The following BIRC6 variants were observed in gnomAD, a reference collection of about 807,000 sequenced individuals.
BIRC6 encodes the protein dual E2 ubiquitin-conjugating enzyme/E3 ubiquitin-protein ligase BIRC6.
A neutral mutation model predicts 503.3 loss-of-function variants in BIRC6; 98 were observed. That is an observed-to-expected ratio of 0.19 (90% CI 0.17 to 0.23). The LOEUF (loss-of-function observed/expected upper bound fraction) is 0.23. Among genes scored for constraint, BIRC6 ranks in the 10% least tolerant of loss-of-function variants. BIRC6 has a pLI of 1.00. For synonymous variants in BIRC6, 2,240 were observed against 2,078.7 expected (o/e 1.08, Z -2.11); for missense variants, 5,360 against 5,806.0 (o/e 0.92, Z 2.50).
At chr2:32,397,562 T>TC (rs2040043644) in intron 6 of BIRC6, among the ~76,000 whole-genome samples, 1 of 147,722 alleles carries the variant, frequency 6.8e-6, no homozygotes, top group African/African-American at 2.6e-5. Flanking sequence ...GAATTGTCTT[T>TC]CCCCGTAAAG....
intron 51 of BIRC6, 67 bp from the exon 52 acceptor site, chr2:32,509,670 AG>A: frequency 2.6e-6 from 4 of 1,553,952 alleles, no homozygotes; most frequent in Non-Finnish European, 3.5e-6. Flanking sequence ...ATCTTTAAAA[AG>A]TTATGTTCTA....
chr2:32,595,966 C>T (rs1460291728), intron 68 of BIRC6, among the ~76,000 whole-genome samples: 1 of 152,092 alleles, frequency 6.6e-6, no homozygotes, highest in Non-Finnish European at 1.5e-5. Context: ...CTGTTAACTT[C>T]ACTCTAAGTA....
chr2:32,468,749 G>A lies in BIRC6; in HGVS notation c.6093G>A (p.Leu2031=). ...EQLRTIIRYL[L]DTLLSLLHAS... ...TACGTACTATCATCAGATATTTACTGGACACTTTGCTCAGCCTGCTTCATG... is the reference window on the plus strand; with the variant it reads ...TACGTACTATCATCAGATATTTACTAGACACTTTGCTCAGCCTGCTTCATG... The change falls in exon 29 of 74, where the codon CTG becomes CTA. Residue 2031 remains leucine, a synonymous_variant. Coordinates refer to ENST00000421745, the MANE Select transcript of BIRC6 (RefSeq NM_016252.4). The A allele has an allele frequency of 6.2e-7, 1 of 1,607,252 alleles. No individual in the cohort carries two copies. The highest frequency in any genetic ancestry group is 8.5e-7 in the Non-Finnish European group (1 of 1,174,696).
At chr2:32,483,858 AT>A (rs2050688004) in intron 39 of BIRC6, among the ~76,000 whole-genome samples, 3 of 152,118 alleles carry the variant, frequency 2.0e-5, no homozygotes, top group South Asian at 4.1e-4. Flanking sequence ...GATCTCTCTC[AT>A]TATTGGTGAT....
intron 65 of BIRC6, among the ~76,000 whole-genome samples, chr2:32,551,605 A>G (rs2150423492): frequency 6.6e-6 from 1 of 152,334 alleles, no homozygotes; most frequent in Non-Finnish European, 1.5e-5. Flanking sequence ...AAAAACCTGA[A>G]CAAATTATCT....
chr2:32,435,976 T>A (rs1394924075), intron 14 of BIRC6, 77 bp from the exon 15 acceptor site: 3 of 856,726 alleles, frequency 3.5e-6, no homozygotes, highest in Non-Finnish European at 4.9e-6. Flanking sequence ...TATATGTAAA[T>A]GGGATGATAT....
At chr2:32,371,789 T>A (rs1426559953) in intron 1 of BIRC6, among the ~76,000 whole-genome samples, 1 of 152,076 alleles carries the variant, frequency 6.6e-6, no homozygotes, top group East Asian at 1.9e-4. Context: ...GCTCCATGTG[T>A]ACATGTTTAT....
chr2:32,502,160 C>CT (rs1040928862), intron 47 of BIRC6, among the ~76,000 whole-genome samples: 27 of 152,070 alleles, frequency 1.8e-4, no homozygotes, highest in African/African-American at 5.8e-4. Context: ...AAGTTCTTCT[C>CT]TTTTTCCTAA....
At chr2:32,470,089 A>G in intron 30 of BIRC6, 79 bp from the exon 31 acceptor site, 1 of 1,193,828 alleles carries the variant, frequency 8.4e-7, no homozygotes, top group Admixed American at 3.4e-5. Flanking sequence ...ACTCTGTTAA[A>G]TTTCTATGTA....
At chr2:32,559,823 G>A (rs2059034690) in intron 65 of BIRC6, among the ~76,000 whole-genome samples, 2 of 151,940 alleles carry the variant, frequency 1.3e-5, no homozygotes, top group African/African-American at 2.4e-5. Context: ...GGGTTTGCCT[G>A]GCCAACATGG....
intron 5 of BIRC6, among the ~76,000 whole-genome samples, chr2:32,393,640 C>T (rs529514257): frequency 6.6e-6 from 1 of 152,270 alleles, no homozygotes; most frequent in Non-Finnish European, 1.5e-5. Flanking sequence ...CCACCTTAGC[C>T]CCTCAAGTAG....
rs756693528 is a variant in BIRC6, at chr2:32,369,926, TAAAAAAA to T, written c.326-7648_326-7642del. 4.1e-3 allele frequency among the ~76,000 whole-genome samples: 155 copies of T among 37,778 alleles called. 3 individuals carry two copies. The highest frequency in any genetic ancestry group is 9.6e-3 in the South Asian group (7 of 730). The allele number at this position is 37,778 out of a possible 152,430, so 24.8% of individuals were successfully genotyped here. The stretch of plus-strand genomic sequence containing the variant: ...GGCAACATAGTGAGACCCTGTCTCT[TAAAAAAA>T]AAAAAAAAAAAAATATATATATATA... On this transcript the variant is annotated intron_variant, in intron 1 of 73. Transcript: ENST00000421745.
At chr2:32,562,583 TCTA>T (rs1330767132) in intron 65 of BIRC6, among the ~76,000 whole-genome samples, 6 of 152,222 alleles carry the variant, frequency 3.9e-5, no homozygotes, top group African/African-American at 1.4e-4. Flanking sequence ...CCTAAGAAAT[TCTA>T]TTAATCCTGC....
At chr2:32,460,032 A>C (rs2047657258) in intron 23 of BIRC6, among the ~76,000 whole-genome samples, 1 of 148,620 alleles carries the variant, frequency 6.7e-6, no homozygotes, top group African/African-American at 2.5e-5. Flanking sequence ...CTTTCTCATC[A>C]TTTTATCGTC....
intron 23 of BIRC6, among the ~76,000 whole-genome samples, chr2:32,458,381 C>T (rs758588811): frequency 8.5e-5 from 13 of 152,058 alleles, no homozygotes; most frequent in Non-Finnish European, 1.8e-4. Flanking sequence ...TTAAATATTG[C>T]TTCTGCTCTA....
intron 3 of BIRC6, among the ~76,000 whole-genome samples, chr2:32,384,595 A>G (rs1420422108): frequency 6.6e-6 from 1 of 152,144 alleles, no homozygotes; most frequent in Non-Finnish European, 1.5e-5. Flanking sequence ...TAATCAACCT[A>G]CTGTCAGATA....
At chr2:32,446,738 GTTTTTTTTTTTTTTTTTT>G (rs58232090) in intron 21 of BIRC6, among the ~76,000 whole-genome samples, 9 of 34,838 alleles carry the variant, frequency 2.6e-4, no homozygotes, top group Non-Finnish European at 3.3e-4. Context: ...CCTCTGCGCT[GTTTTTTTTTTTTTTTTTT>G]TTTTTTTTTT....
intron 12 of BIRC6, 91 bp downstream of exon 12, chr2:32,431,181 CTTTTTTTTTTTTTTTTTT>C (rs10610125): frequency 8.2e-4 from 57 of 69,344 alleles, no homozygotes; most frequent in Middle Eastern, 8.6e-3. Flanking sequence ...TACTGTTTAT[CTTTTTTTTTTTTTTTTTT>C]TTTTTTTTTT....
chr2:32,549,695 C>CT (rs1422039508), intron 65 of BIRC6, among the ~76,000 whole-genome samples: 1 of 152,154 alleles, frequency 6.6e-6, no homozygotes, highest in Non-Finnish European at 1.5e-5. Flanking sequence ...ATTCCTTTGT[C>CT]TTTATCTGTG....
Sources: allele counts gnomAD v4.1 joint callset (sites outside exome capture counted in the v4.1 genomes callset), GRCh38; gene constraint gnomAD v4.1.1; transcripts MANE v1.5; gene names NCBI Gene and HGNC (gene_info 2026-07-23, HGNC 2026-07-21).